MCM9: variants seen among roughly 807,000 people sequenced by gnomAD.
MCM9 encodes DNA helicase MCM9.
In MCM9, 55 loss-of-function variants were observed where a neutral mutation model predicts 72.8. That is an observed-to-expected ratio of 0.76 (90% confidence interval 0.61 to 0.95). The LOEUF (loss-of-function observed/expected upper bound fraction) is 0.95. Ranked by LOEUF, MCM9 falls within the 40% of genes least tolerant of loss-of-function variation. The pLI, the probability that MCM9 is intolerant of heterozygous loss-of-function variation, is 0.00. For missense variants in MCM9, 1,279 were observed against 1,377.0 expected (o/e 0.93, Z 1.13); for synonymous variants, 480 against 503.4 (o/e 0.95, Z 0.62).
In MCM9 at chr6:118,911,733, G is replaced by A; in HGVS notation, c.1067C>T (p.Thr356Ile). The A allele has an allele frequency of 1.2e-6, 2 of 1,613,644 alleles. No individual in the cohort carries two copies. Among genetic ancestry groups the A allele is most frequent in the Non-Finnish European group, 8.5e-7 (1 of 1,179,824 alleles). ...SHLLLVGDPG[T>I]GKSQFLKYAA... ...ATATTTGAGGAACTGAGATTTCCCT[G>A]TGCCAGGATCCCCAACCAATAAAAG... Residue 356 changes from threonine to isoleucine, a missense_variant, in exon 8 of 14, where the codon ACA (threonine) becomes ATA (isoleucine). Transcript: ENST00000619706.
chr6:118,857,659 C>T (rs1280345134), intron 8 of MCM9, among the ~76,000 whole-genome samples: 2 of 134,520 alleles, frequency 1.5e-5, no homozygotes, highest in East Asian at 2.2e-4. Flanking sequence ...AGAGGAGACA[C>T]AAGTTACAAA....
At chr6:118,823,263 C>A (rs1432177840) in intron 13 of MCM9, among the ~76,000 whole-genome samples, 1 of 152,130 alleles carries the variant, frequency 6.6e-6, no homozygotes, top group Non-Finnish European at 1.5e-5. Context: ...TCTTCTGATC[C>A]GTGGATTGCA....
chr6:118,826,572 T>C (rs957250930), intron 12 of MCM9, among the ~76,000 whole-genome samples: 6 of 152,156 alleles, frequency 3.9e-5, no homozygotes, highest in African/African-American at 7.2e-5. Flanking sequence ...TTTACATCAA[T>C]AGGCAAAAGC....
At chr6:118,903,750 T>C (rs72966846) in intron 8 of MCM9, among the ~76,000 whole-genome samples, 4,405 of 152,248 alleles carry the variant, frequency 0.029, 118 homozygotes, top group Non-Finnish European at 0.038. Context: ...GAAGTATTTC[T>C]TTTTTAAATT....
intron 9 of MCM9, among the ~76,000 whole-genome samples, chr6:118,845,599 G>C (rs1484806791): frequency 6.6e-6 from 1 of 151,678 alleles, no homozygotes; most frequent in Non-Finnish European, 1.5e-5. Context: ...GATGTTTCCT[G>C]AACTTTTTCC....
intron 8 of MCM9, among the ~76,000 whole-genome samples, chr6:118,868,077 A>T (rs1368340477): frequency 2.0e-5 from 3 of 152,030 alleles, no homozygotes; most frequent in Non-Finnish European, 1.5e-5. Context: ...GGGTTTCACC[A>T]TGTTGGCCAG....
intron 3 of MCM9, among the ~76,000 whole-genome samples, chr6:118,930,032 A>G (rs1199595831): frequency 6.6e-6 from 1 of 152,162 alleles, no homozygotes; most frequent in East Asian, 1.9e-4. Flanking sequence ...GAATTCAGGA[A>G]GCATTCTTAT....
intron 8 of MCM9, among the ~76,000 whole-genome samples, chr6:118,870,787 T>C (rs1029331925): frequency 6.6e-6 from 1 of 151,846 alleles, no homozygotes; most frequent in Non-Finnish European, 1.5e-5. Flanking sequence ...TAACTGATAA[T>C]ACAGAAATAT....
chr6:118,934,022 A>C (rs1782684850), intron 1 of MCM9, among the ~76,000 whole-genome samples: 1 of 151,716 alleles, frequency 6.6e-6, no homozygotes, highest in Admixed American at 6.6e-5. Flanking sequence ...AATCACTATG[A>C]TTCTATTAAA....
Position 118,932,726 on chromosome 6 carries a change from G to T in MCM9, c.-135C>A. The T allele has an allele frequency of 1.9e-6, 1 of 515,056 alleles. No homozygotes were observed. The highest frequency in any genetic ancestry group is 2.5e-6 in the Non-Finnish European group (1 of 400,040). 31.9% of individuals were successfully genotyped at this position (515,056 alleles called of 1,614,324 possible). A position where few individuals can be genotyped will look rare whatever the true frequency, so the allele number is the denominator to read the frequency against. On this transcript the variant is annotated 5_prime_UTR_variant, in exon 2 of 14. Coordinates refer to ENST00000619706, the MANE Select transcript of MCM9 (RefSeq NM_017696.3). ...TTTCTTACCGTAGGAAATCTACTGG[G>T]TTCTGCAGAAACAGCTGTCAACAAT...
chr6:118,906,906 T>A (rs1363322133), intron 8 of MCM9, among the ~76,000 whole-genome samples: 1 of 152,182 alleles, frequency 6.6e-6, no homozygotes, highest in African/African-American at 2.4e-5. Flanking sequence ...TTGATCCAAT[T>A]TGTTATCCCT....
intron 8 of MCM9, chr6:118,908,760 T>G (rs1318580908): frequency 6.6e-6 from 1 of 152,602 alleles, no homozygotes; most frequent in East Asian, 1.9e-4. Flanking sequence ...AATTTTCTTA[T>G]GCTCCATAAA....
At chr6:118,932,793 A>C (rs916405019) in intron 1 of MCM9, 53 bp from the exon 2 acceptor site, 2 of 157,682 alleles carry the variant, frequency 1.3e-5, no homozygotes, top group African/African-American at 4.8e-5. Flanking sequence ...AAAAACACTG[A>C]GTCTTCAAAT....
At chr6:118,829,308 A>T in intron 9 of MCM9, 58 bp from the exon 10 acceptor site, 1 of 1,453,542 alleles carries the variant, frequency 6.9e-7, no homozygotes, top group South Asian at 1.3e-5. Flanking sequence ...ATGCAAGATT[A>T]CAGCTGTTAA....
intron 3 of MCM9, among the ~76,000 whole-genome samples, chr6:118,929,970 A>C (rs937155877): frequency 3.3e-5 from 5 of 152,188 alleles, no homozygotes; most frequent in African/African-American, 1.2e-4. Context: ...TCTTTTTGGG[A>C]ATCTTAACTT....
At chr6:118,830,830 A>T (rs1189139777) in intron 9 of MCM9, among the ~76,000 whole-genome samples, 5 of 152,232 alleles carry the variant, frequency 3.3e-5, no homozygotes, top group African/African-American at 1.2e-4. Flanking sequence ...AAAAAGGTAC[A>T]TATCTGATCT....
Position 118,935,096 on chromosome 6 carries a change from C to A in MCM9, c.-355G>T, listed in dbSNP as rs1489815269. On this transcript the variant is annotated 5_prime_UTR_variant, in exon 1 of 14. Coordinates refer to ENST00000619706, the MANE Select transcript of MCM9 (RefSeq NM_017696.3). ...AGCGCCTGCGGCTCTGCCGGGCCTG[C>A]GCTCTCGACCGACGCCGGGCCGCGC... The A allele has an allele frequency of 6.6e-6, 1 of 152,100 alleles. No homozygotes were observed. Among genetic ancestry groups the A allele is most frequent in the African/African-American group, 2.4e-5 (1 of 41,438 alleles). 9.4% of individuals were successfully genotyped at this position (152,100 alleles called of 1,614,324 possible).
intron 6 of MCM9, among the ~76,000 whole-genome samples, chr6:118,914,417 C>T (rs1780778241): frequency 1.3e-5 from 2 of 152,126 alleles, no homozygotes; most frequent in Admixed American, 1.3e-4. Context: ...GCCCTATACA[C>T]AAAGGCTACT....
intron 8 of MCM9, among the ~76,000 whole-genome samples, chr6:118,864,604 A>G (rs1263699375): frequency 6.6e-6 from 1 of 152,154 alleles, no homozygotes; most frequent in Non-Finnish European, 1.5e-5. Flanking sequence ...GCTGAGGCAT[A>G]GGACCCTGCC....
Sources: gnomAD v4.1 joint callset for allele counts (sites outside exome capture counted in the v4.1 genomes callset) on GRCh38, gnomAD v4.1.1 for gene constraint, MANE v1.5 for transcripts, NCBI Gene and HGNC (gene_info 2026-07-23, HGNC 2026-07-21) for gene names.